Variants in GREB1L observed in about 807,000 individuals in gnomAD.
GREB1L encodes the protein GREB1-like protein.
In GREB1L, 17 loss-of-function variants were observed where a neutral mutation model predicts 200.8. That is an observed-to-expected ratio of 0.08 (90% CI 0.06 to 0.13). The LOEUF is 0.13. Ranked by LOEUF, GREB1L falls within the 10% of genes least tolerant of loss-of-function variation. The probability of loss-of-function intolerance (pLI) is 1.00; values close to 1 mark genes in which losing one functional copy is unlikely to be tolerated. For synonymous variants in GREB1L, 789 were observed against 893.0 expected (o/e 0.88, Z 2.08); for missense variants, 1,657 against 2,367.7 (o/e 0.70, Z 6.23).
intron 19 of GREB1L, among the ~76,000 whole-genome samples, chr18:21,492,068 T>C (rs1221401803): frequency 2.6e-5 from 4 of 151,986 alleles, no homozygotes; most frequent in African/African-American, 4.8e-5. Flanking sequence ...ATTTGGAGGC[T>C]GGGCACGGTA....
intron 2 of GREB1L, among the ~76,000 whole-genome samples, chr18:21,369,080 G>T (rs2039777848): frequency 6.6e-6 from 1 of 152,110 alleles, no homozygotes; most frequent in African/African-American, 2.4e-5. Context: ...GATGAAATTT[G>T]GAAAATTATT....
At chr18:21,337,498 G>A (rs1010395621) in intron 1 of GREB1L, among the ~76,000 whole-genome samples, 56 of 152,278 alleles carry the variant, frequency 3.7e-4, no homozygotes, top group African/African-American at 1.3e-3. Flanking sequence ...TGGCAAAACG[G>A]CCTTTCAAAA....
chr18:21,436,059 A>G (rs2033517235), intron 7 of GREB1L, among the ~76,000 whole-genome samples: 1 of 152,170 alleles, frequency 6.6e-6, no homozygotes, highest in African/African-American at 2.4e-5. Context: ...AGGGGTCTCA[A>G]TAGACATTCA....
intron 10 of GREB1L, among the ~76,000 whole-genome samples, chr18:21,443,727 C>T (rs956322783): frequency 2.0e-5 from 3 of 152,108 alleles, no homozygotes; most frequent in Non-Finnish European, 4.4e-5. Flanking sequence ...TTCCAGGCCC[C>T]GTCCCATATC....
At chr18:21,396,503 G>A (rs1419035273) in intron 5 of GREB1L, among the ~76,000 whole-genome samples, 2 of 152,048 alleles carry the variant, frequency 1.3e-5, no homozygotes, top group African/African-American at 4.8e-5. Context: ...TCTGATATTG[G>A]ACCTGATATC....
intron 2 of GREB1L, among the ~76,000 whole-genome samples, chr18:21,374,952 A>C (rs2040013084): frequency 6.6e-6 from 1 of 151,318 alleles, no homozygotes; most frequent in South Asian, 2.1e-4. Context: ...TCTGGGCTCA[A>C]GCAGTTCTCC....
chr18:21,361,058 T>C (rs555140533), intron 1 of GREB1L, among the ~76,000 whole-genome samples: 1 of 152,318 alleles, frequency 6.6e-6, no homozygotes, highest in African/African-American at 2.4e-5. Flanking sequence ...CTGTGACCTA[T>C]GAAATCTCCA....
intron 7 of GREB1L, among the ~76,000 whole-genome samples, chr18:21,423,624 C>G (rs558234743): frequency 6.6e-6 from 1 of 152,288 alleles, no homozygotes; most frequent in South Asian, 2.1e-4. Context: ...GTTTGGGAGG[C>G]CAAGGCAGGA....
At chr18:21,373,420 G>A (rs1329623946) in intron 2 of GREB1L, among the ~76,000 whole-genome samples, 5 of 151,932 alleles carry the variant, frequency 3.3e-5, no homozygotes, top group South Asian at 2.1e-4. Context: ...TGCAACCTCC[G>A]CGTCCCAGGT....
chr18:21,283,232 A>G (rs984118180), intron 1 of GREB1L, among the ~76,000 whole-genome samples: 7 of 152,200 alleles, frequency 4.6e-5, no homozygotes, highest in Admixed American at 4.6e-4. Context: ...TACCTGTTAA[A>G]TTGTTCTACA....
intron 1 of GREB1L, among the ~76,000 whole-genome samples, chr18:21,363,149 TAA>T (rs1442788754): frequency 6.6e-6 from 1 of 152,164 alleles, no homozygotes; most frequent in African/African-American, 2.4e-5. Flanking sequence ...GTCCAGATAT[TAA>T]GAGTCAGGCT....
intron 2 of GREB1L, 115 bp downstream of exon 2, chr18:21,366,251 T>C (rs1244601844): frequency 6.6e-6 from 1 of 152,194 alleles, no homozygotes; most frequent in Non-Finnish European, 1.5e-5. Context: ...GTGAATAAGA[T>C]ACTTCCATGA....
chr18:21,249,956 G>A (rs1415531303), intron 1 of GREB1L, among the ~76,000 whole-genome samples: 1 of 152,138 alleles, frequency 6.6e-6, no homozygotes, highest in Admixed American at 6.5e-5. Flanking sequence ...TTTAGGTAGT[G>A]AGAAGTGCCA....
chr18:21,333,466 G>T (rs530487228), intron 1 of GREB1L, among the ~76,000 whole-genome samples: 1 of 152,018 alleles, frequency 6.6e-6, no homozygotes, highest in East Asian at 1.9e-4. Context: ...CCTGAGGTTG[G>T]GAGTTTGAGA....
In GREB1L at chr18:21,524,397, T is replaced by G. The variant is rs961893301; in HGVS notation, c.*1576T>G. 1.9e-4 allele frequency: 29 copies of G among 152,212 alleles called. No individual in the cohort carries two copies. The highest frequency in any genetic ancestry group is 3.5e-4 in the Non-Finnish European group (24 of 68,030). 9.4% of individuals were successfully genotyped at this position (152,212 alleles called of 1,614,324 possible). A position where few individuals can be genotyped will look rare whatever the true frequency, so the allele number is the denominator to read the frequency against. On this transcript the variant is annotated 3_prime_UTR_variant, in exon 33 of 33. Coordinates refer to ENST00000424526, the MANE Select transcript of GREB1L (RefSeq NM_001142966.3). ...AAGTGAACAATTCCTTTTAACCCCATTTTTAATTGTCCTTCAAAGAGGACC... is the reference window on the plus strand; with the variant it reads ...AAGTGAACAATTCCTTTTAACCCCAGTTTTAATTGTCCTTCAAAGAGGACC...
intron 11 of GREB1L, among the ~76,000 whole-genome samples, chr18:21,447,626 T>C (rs2034295808): frequency 6.6e-6 from 1 of 152,194 alleles, no homozygotes; most frequent in Non-Finnish European, 1.5e-5. Flanking sequence ...AGGTTGTTAA[T>C]GAAAGACGGT....
At chr18:21,326,580 T>G (rs2039026240) in intron 1 of GREB1L, among the ~76,000 whole-genome samples, 1 of 152,252 alleles carries the variant, frequency 6.6e-6, no homozygotes. Context: ...TGATCATGTC[T>G]TTTAGTGAAT....
At chr18:21,327,399 G>A (rs376670897) in intron 1 of GREB1L, among the ~76,000 whole-genome samples, 16 of 152,100 alleles carry the variant, frequency 1.1e-4, no homozygotes, top group African/African-American at 3.6e-4. Context: ...AGCATCCTAC[G>A]TAAGCCTTAA....
intron 17 of GREB1L, among the ~76,000 whole-genome samples, chr18:21,484,800 G>A (rs1491000535): frequency 6.6e-6 from 1 of 152,110 alleles, no homozygotes; most frequent in African/African-American, 2.4e-5. Flanking sequence ...TCCAGCCTGG[G>A]CAACAAGAGC....
Sources: gnomAD v4.1 joint callset for allele counts (sites outside exome capture counted in the v4.1 genomes callset) on GRCh38, gnomAD v4.1.1 for gene constraint, MANE v1.5 for transcripts, NCBI Gene and HGNC (gene_info 2026-07-23, HGNC 2026-07-21) for gene names.